The following LTBP1 variants were observed in gnomAD, a reference collection of about 807,000 sequenced individuals.
The protein encoded by LTBP1 is latent transforming growth factor beta binding protein 1.
Under a neutral mutation model 207.6 loss-of-function variants are expected in LTBP1, and 129 were observed. The observed-to-expected ratio is 0.62, with a 90% CI of 0.54 to 0.72. The LOEUF is 0.72. Among genes scored for constraint, LTBP1 ranks in the 30% least tolerant of loss-of-function variants. LTBP1 has a pLI of 0.00. For synonymous variants in LTBP1, 963 were observed against 833.7 expected (o/e 1.16, Z -2.67); for missense variants, 2,281 against 2,217.2 (o/e 1.03, Z -0.58).
intron 23 of LTBP1, among the ~76,000 whole-genome samples, chr2:33,312,864 G>A (rs1049840365): frequency 2.0e-5 from 3 of 152,096 alleles, no homozygotes; most frequent in African/African-American, 7.2e-5. Flanking sequence ...TAAGAAGAGG[G>A]GTCTCAGGTA....
At chr2:33,036,710 G>A (rs935859763) in intron 3 of LTBP1, among the ~76,000 whole-genome samples, 7 of 152,220 alleles carry the variant, frequency 4.6e-5, no homozygotes, top group Non-Finnish European at 1.0e-4. Context: ...CACCCACCTT[G>A]TCTTCCCAAA....
chr2:33,219,724 T>C (rs766387094), intron 8 of LTBP1, among the ~76,000 whole-genome samples: 2 of 152,304 alleles, frequency 1.3e-5, no homozygotes, highest in Non-Finnish European at 2.9e-5. Context: ...ATCTGTCTTA[T>C]TTTTCTTTTT....
chr2:33,033,597 G>A (rs1272288220), intron 3 of LTBP1, among the ~76,000 whole-genome samples: 1 of 151,154 alleles, frequency 6.6e-6, no homozygotes, highest in Non-Finnish European at 1.5e-5. Flanking sequence ...GCTGACTATG[G>A]TGGGGGAAAA....
At chr2:33,071,865 A>G (rs1007849599) in intron 3 of LTBP1, among the ~76,000 whole-genome samples, 4 of 152,022 alleles carry the variant, frequency 2.6e-5, no homozygotes, top group African/African-American at 9.7e-5. Context: ...CCCCCACTAT[A>G]CTCTCACAAA....
rs377447812 is a variant in LTBP1 at position 33,308,043 on chromosome 2, A to G, written c.3482-1391A>G. Reference sequence around the variant, plus strand: ...TCTCTCATATTTTGGCAGCAATTACAATTATTTGCAAGAAATGCCATAAAA... The same window carrying G: ...TCTCTCATATTTTGGCAGCAATTACGATTATTTGCAAGAAATGCCATAAAA... On this transcript the variant is annotated intron_variant, in intron 22 of 33. Transcript: ENST00000404816. 1.7e-4 allele frequency among the ~76,000 whole-genome samples: 26 copies of G among 152,336 alleles called. 1 individual carries two copies. The East Asian group carries it at 3.5e-3, about 20-fold the overall frequency.
Position 33,067,301 on chromosome 2 carries a change from C to G in LTBP1, c.864-43281C>G, listed in dbSNP as rs189923274. The stretch of plus-strand genomic sequence containing the variant: ...TTCAACATAAAACTATAAGGCAAAA[C>G]AGTGCTTATATGTGAAACTTAATAT... On this transcript the variant is annotated intron_variant, in intron 3 of 33. Transcript: ENST00000404816. 1.3e-3 allele frequency among the ~76,000 whole-genome samples: 195 copies of G among 152,336 alleles called. No homozygotes were observed. In the Middle Eastern group the frequency reaches 0.027, roughly 21 times the overall value.
chr2:33,115,683 G>T (rs923937093), intron 4 of LTBP1, among the ~76,000 whole-genome samples: 1 of 152,124 alleles, frequency 6.6e-6, no homozygotes, highest in Non-Finnish European at 1.5e-5. Context: ...TTGTAGGAAA[G>T]AATTCAGCAT....
In LTBP1 at chr2:33,228,974, C is replaced by T. The variant is rs796852063; in HGVS notation, c.1876+6823C>T. Among the ~76,000 whole-genome samples the T allele has an allele frequency of 4.6e-5, 7 of 152,034 alleles. No homozygotes were observed. In the South Asian group the frequency reaches 6.2e-4, roughly 14 times the overall value. On this transcript the variant is annotated intron_variant, in intron 9 of 33. Transcript: ENST00000404816. ...TCAGCCTCTGAAAGTGCTGGGATTACGGGTGTGAGCCACTGTACCCGGCCC... is the reference window on the plus strand; with the variant it reads ...TCAGCCTCTGAAAGTGCTGGGATTATGGGTGTGAGCCACTGTACCCGGCCC...
intron 11 of LTBP1, among the ~76,000 whole-genome samples, chr2:33,254,754 C>G (rs1212653846): frequency 3.8e-5 from 5 of 130,954 alleles, no homozygotes; most frequent in Non-Finnish European, 7.9e-5. Context: ...CGCCTCCCCC[C>G]ACCCCACAAC....
chr2:33,136,138 A>T (rs2082127399), intron 5 of LTBP1, among the ~76,000 whole-genome samples: 1 of 152,238 alleles, frequency 6.6e-6, no homozygotes, highest in Non-Finnish European at 1.5e-5. Flanking sequence ...TGGAAAAAAT[A>T]TGTGCCCATA....
chr2:33,344,007 A>G (rs1180037986), intron 25 of LTBP1, among the ~76,000 whole-genome samples: 6 of 152,186 alleles, frequency 3.9e-5, no homozygotes, highest in Admixed American at 3.3e-4. Context: ...TGAGGAGTCT[A>G]TTGCCTATTT....
At chr2:32,972,961 CTTAGTG>C (rs1464000486) in intron 2 of LTBP1, among the ~76,000 whole-genome samples, 5 of 152,112 alleles carry the variant, frequency 3.3e-5, no homozygotes, top group Non-Finnish European at 7.4e-5. Context: ...GAGTGATCTT[CTTAGTG>C]TTAATTTCTG....
chr2:33,361,374 T>G, intron 27 of LTBP1, 55 bp from the exon 28 acceptor site: 1 of 1,146,374 alleles, frequency 8.7e-7, no homozygotes, highest in African/African-American at 1.6e-5. Flanking sequence ...ATTTGAAACA[T>G]GCATTCATGG....
intron 3 of LTBP1, among the ~76,000 whole-genome samples, chr2:33,092,930 A>G (rs1367476549): frequency 6.6e-6 from 1 of 152,184 alleles, no homozygotes; most frequent in Non-Finnish European, 1.5e-5. Flanking sequence ...GCCCTCAAGG[A>G]ACTGATTCAT....
rs1329496624 is a variant in LTBP1, at chr2:33,068,765, A to G, written c.864-41817A>G. ...CTTCACATTAGGAGGCTTATATACA[A>G]ATAATTATACTTTGTTATTAATATT... On this transcript the variant is annotated intron_variant, in intron 3 of 33. Transcript: ENST00000404816. Among the ~76,000 whole-genome samples, 3 of 152,336 alleles carry G rather than the reference A, an allele frequency of 2.0e-5. No individual in the cohort carries two copies. The East Asian group carries it at 5.8e-4, about 29-fold the overall frequency.
intron 4 of LTBP1, among the ~76,000 whole-genome samples, chr2:33,128,871 T>C (rs989128990): frequency 2.6e-5 from 4 of 152,232 alleles, no homozygotes; most frequent in African/African-American, 9.6e-5. Flanking sequence ...TTTCTTCAAC[T>C]CTCAGTCACA....
At chr2:33,053,998 T>G (rs2076869786) in intron 3 of LTBP1, among the ~76,000 whole-genome samples, 1 of 152,162 alleles carries the variant, frequency 6.6e-6, no homozygotes, top group African/African-American at 2.4e-5. Context: ...ACCATCCACA[T>G]AAGTTGGGAC....
At chr2:33,262,371 G>A (rs765057803) in intron 13 of LTBP1, among the ~76,000 whole-genome samples, 11 of 152,280 alleles carry the variant, frequency 7.2e-5, no homozygotes, top group East Asian at 1.9e-4. Context: ...AATAGTCCTC[G>A]TTGGGGGTTA....
rs116325226 is a variant in LTBP1 at position 33,303,819 on chromosome 2, G to A, written c.3481+2175G>A. Among the ~76,000 whole-genome samples the A allele has an allele frequency of 9.7e-3, 1,473 of 152,240 alleles. 9 individuals are homozygous for A. Among genetic ancestry groups the A allele is most frequent in the Admixed American group, 0.016 (237 of 15,288 alleles). ...CTGCTCACCTCCTGCAGTGCCGCCC[G>A]GTTCCTAACAGGCCACGGACCCGTA... On this transcript the variant is annotated intron_variant, in intron 22 of 33. Coordinates refer to ENST00000404816, the MANE Select transcript of LTBP1 (RefSeq NM_206943.4).
Sources: gnomAD v4.1 joint callset for allele counts (sites outside exome capture counted in the v4.1 genomes callset) on GRCh38, gnomAD v4.1.1 for gene constraint, MANE v1.5 for transcripts, NCBI Gene and HGNC (gene_info 2026-07-23, HGNC 2026-07-21) for gene names.